SEC14L1: variants seen among roughly 807,000 people sequenced by gnomAD.
SEC14L1 encodes SEC14-like protein 1.
A neutral mutation model predicts 85.3 loss-of-function variants in SEC14L1; 48 were observed. The ratio of observed to expected loss-of-function variants is 0.56; its 90% CI spans 0.45 to 0.72. The LOEUF (loss-of-function observed/expected upper bound fraction) is 0.72, where lower values mean the gene tolerates loss of function less well. SEC14L1 is among the 30% of genes least tolerant of loss of function. The probability of loss-of-function intolerance (pLI) is 0.00; values close to 1 mark genes in which losing one functional copy is unlikely to be tolerated. For missense variants in SEC14L1, 682 were observed against 921.4 expected, an observed-to-expected ratio of 0.74 and a Z score of 3.36; for synonymous variants, 391 against 355.5, an observed-to-expected ratio of 1.10 and a Z score of -1.12.
At chr17:77,179,832 G>A (rs1047235393) in intron 3 of SEC14L1, among the ~76,000 whole-genome samples, 3 of 151,592 alleles carry the variant, frequency 2.0e-5, no homozygotes, top group East Asian at 1.9e-4. Flanking sequence ...CCGCCACCAC[G>A]CCCGGCTAAT....
rs1391253010 is a variant in SEC14L1, at chr17:77,216,238, T to C, written c.*2215T>C. On this transcript the variant is annotated 3_prime_UTR_variant, in exon 17 of 17. Coordinates refer to ENST00000436233, the MANE Select transcript of SEC14L1 (RefSeq NM_001143998.2). Reference sequence around the variant, plus strand: ...TAGTAGGTAGGGTTCGTAGGTAGGGTTCGTAGGTAGGGTTCGTAGGTAGGG... The same window carrying C: ...TAGTAGGTAGGGTTCGTAGGTAGGGCTCGTAGGTAGGGTTCGTAGGTAGGG... The C allele has an allele frequency of 9.3e-5, 100 of 1,069,776 alleles. 2 individuals carry two copies. In the South Asian group the frequency reaches 1.1e-3, roughly 12 times the overall value. The allele number at this position is 1,069,776 out of a possible 1,614,324, so 66.3% of individuals were successfully genotyped here.
chr17:77,198,461 A>C (rs1975926056), intron 8 of SEC14L1, among the ~76,000 whole-genome samples: 1 of 152,270 alleles, frequency 6.6e-6, no homozygotes, highest in South Asian at 2.1e-4. Context: ...AATTATTAAA[A>C]TTCAGAAAAC....
At chr17:77,205,942 T>C (rs756570649) in intron 11 of SEC14L1, among the ~76,000 whole-genome samples, 6 of 152,188 alleles carry the variant, frequency 3.9e-5, no homozygotes, top group Non-Finnish European at 5.9e-5. Context: ...GACAGCACAC[T>C]GTGGCTTTGC....
At position 77,191,427 on chromosome 17, in the gene SEC14L1, G is replaced by C. The variant is rs1244143013; in HGVS notation, c.345+115G>C. 2.7e-6 allele frequency: 3 copies of C among 1,127,830 alleles called. No homozygotes were observed. The African/African-American group carries it at 4.6e-5, about 17-fold the overall frequency. The allele number at this position is 1,127,830 out of a possible 1,614,324, so 69.9% of individuals were successfully genotyped here. On this transcript the variant is annotated intron_variant, in intron 5 of 16. Coordinates refer to ENST00000436233, the MANE Select transcript of SEC14L1 (RefSeq NM_001143998.2). ...TGTCTTAGAGGGCAGTTCTTCATTA[G>C]ATGTTGTCACTCATTTCTCATGTGT...
At chr17:77,189,006 T>TA (rs144541589) in intron 3 of SEC14L1, among the ~76,000 whole-genome samples, 6,683 of 152,062 alleles carry the variant, frequency 0.044, 220 homozygotes, top group Admixed American at 0.11. Flanking sequence ...TTTTTTTTTT[T>TA]AATCATGGTA....
At chr17:77,188,395 G>A (rs1178992155) in intron 3 of SEC14L1, among the ~76,000 whole-genome samples, 2 of 137,970 alleles carry the variant, frequency 1.4e-5, no homozygotes, top group Admixed American at 7.9e-5. Context: ...GAATCATACC[G>A]TATGTAACTG....
chr17:77,206,427 C>T lies in SEC14L1; in HGVS notation c.1341+27C>T. On this transcript the variant is annotated intron_variant, in intron 12 of 16. Transcript: ENST00000436233. The surrounding 1 kb of genome is among the most constrained non-coding windows in gnomAD (Gnocchi z 4.3). ...TGGGTTGAGATGCTTTTTGCAGTAA[C>T]TGTGAGCCATTTGGAAAGCAGATAA... The T allele has an allele frequency of 6.2e-7, 1 of 1,601,636 alleles. No individual in the cohort carries two copies. The highest frequency in any genetic ancestry group is 1.1e-5 in the South Asian group (1 of 90,462).
At chr17:77,136,050 T>G (rs1176700180), upstream of SEC14L1, among the ~76,000 whole-genome samples, 2 of 150,740 alleles carry the variant, frequency 1.3e-5, no homozygotes, top group African/African-American at 4.9e-5. Context: ...TTTTTTTTTT[T>G]GTATTTTTAG....
chr17:77,095,405 C>A (rs1431563332), intron 3 of SEC14L1, among the ~76,000 whole-genome samples: 2 of 152,164 alleles, frequency 1.3e-5, no homozygotes, highest in Non-Finnish European at 2.9e-5. Flanking sequence ...TGAACCTTCC[C>A]AGGAATCCTC....
intron 3 of SEC14L1, among the ~76,000 whole-genome samples, chr17:77,187,765 G>A (rs1005232175): frequency 1.2e-4 from 18 of 149,596 alleles, no homozygotes; most frequent in Non-Finnish European, 2.4e-4. Context: ...TGGAGACAGG[G>A]TCTTACTCTT....
At chr17:77,153,863 G>A (rs1391001047) in intron 3 of SEC14L1, among the ~76,000 whole-genome samples, 2 of 152,216 alleles carry the variant, frequency 1.3e-5, no homozygotes, top group African/African-American at 4.8e-5. Flanking sequence ...CATCTCTCTT[G>A]ATTTTTGACC....
chr17:77,214,009 A>G lies in SEC14L1; in HGVS notation c.2134A>G (p.Met712Val). The G allele has an allele frequency of 8.7e-6, 14 of 1,612,948 alleles. No individual in the cohort carries two copies. Among genetic ancestry groups the G allele is most frequent in the Non-Finnish European group, 1.2e-5 (14 of 1,179,938 alleles). Reference protein sequence around the residue: ...TSSSQSHSSSMISR With the variant: ...TSSSQSHSSSVISR ...CTCCAGCCAGTCCCACTCCAGCTCC[A>G]TGATCTCCAGGTAGTGCCGCGCTGC... The change falls in exon 17 of 17, where the codon ATG (methionine) becomes GTG (valine). Residue 712 changes from methionine (M) to valine (V), a missense_variant. Transcript: ENST00000436233.
In SEC14L1 at chr17:77,213,299, C is replaced by G; in HGVS notation, c.1864-15C>G. 6.3e-7 allele frequency: 1 copy of G among 1,593,806 alleles called. No homozygotes were observed. The highest frequency in any genetic ancestry group is 8.5e-7 in the Non-Finnish European group (1 of 1,169,916). On this transcript the variant is annotated splice_polypyrimidine_tract_variant and intron_variant, in intron 15 of 16. Transcript: ENST00000436233. This position sits in a 1 kb window ranked among gnomAD's most constrained non-coding sequence, Gnocchi z 7.1. ...AGCGAGTCGCCCTCAGCTGCCACTG[C>G]CCTACTTGTTCTAGGGTTCCCATGT...
At chr17:77,110,374 G>A (rs1021748322) in intron 3 of SEC14L1, among the ~76,000 whole-genome samples, 4 of 152,102 alleles carry the variant, frequency 2.6e-5, no homozygotes, top group African/African-American at 9.7e-5. Flanking sequence ...AGTGGCTCTG[G>A]GAATAACTTT....
chr17:77,189,811 G>T (rs1048486882), intron 3 of SEC14L1, among the ~76,000 whole-genome samples: 2 of 152,202 alleles, frequency 1.3e-5, no homozygotes, highest in Non-Finnish European at 2.9e-5. Context: ...TGTATCTTTA[G>T]TAGAGACGGG....
Position 77,216,234 on chromosome 17 carries a change from A to T in SEC14L1, c.*2211A>T, listed in dbSNP as rs573182478. 23 of 1,090,074 alleles carry T rather than the reference A, an allele frequency of 2.1e-5. 2 individuals carry two copies. Among genetic ancestry groups the T allele is most frequent in the Non-Finnish European group, 2.6e-5 (23 of 893,296 alleles). The allele number at this position is 1,090,074 out of a possible 1,614,324, so 67.5% of individuals were successfully genotyped here. A position where few individuals can be genotyped will look rare whatever the true frequency, so the allele number is the denominator to read the frequency against. On this transcript the variant is annotated 3_prime_UTR_variant, in exon 17 of 17. Transcript: ENST00000436233. Reference sequence around the variant, plus strand: ...GGGCTAGTAGGTAGGGTTCGTAGGTAGGGTTCGTAGGTAGGGTTCGTAGGT... The same window carrying T: ...GGGCTAGTAGGTAGGGTTCGTAGGTTGGGTTCGTAGGTAGGGTTCGTAGGT...
intron 3 of SEC14L1, among the ~76,000 whole-genome samples, chr17:77,117,177 G>T (rs1040857938): frequency 6.6e-6 from 1 of 152,092 alleles, no homozygotes; most frequent in Admixed American, 6.6e-5. Context: ...GTAAAACCCT[G>T]TCTCTACTAA....
upstream of SEC14L1, among the ~76,000 whole-genome samples, chr17:77,139,462 G>A (rs868309681): frequency 8.6e-5 from 13 of 150,972 alleles, no homozygotes; most frequent in African/African-American, 3.2e-4. Context: ...GTGAGCCACC[G>A]CAACGGCGTT....
chr17:77,208,465 CCG>C (rs1976578638), intron 13 of SEC14L1, among the ~76,000 whole-genome samples: 1 of 152,170 alleles, frequency 6.6e-6, no homozygotes, highest in African/African-American at 2.4e-5. Flanking sequence ...ATGCCGACCT[CCG>C]TAGTGTGTTT....
Sources: allele counts gnomAD v4.1 joint callset (sites outside exome capture counted in the v4.1 genomes callset), GRCh38; gene constraint gnomAD v4.1.1; non-coding constraint Gnocchi (gnomAD v3.1); transcripts MANE v1.5; gene names NCBI Gene and HGNC (gene_info 2026-07-23, HGNC 2026-07-21).